The following PPCDC variants were observed in gnomAD, a reference collection of about 807,000 sequenced individuals.
PPCDC encodes phosphopantothenoylcysteine decarboxylase.
A neutral mutation model predicts 20.7 loss-of-function variants in PPCDC; 20 were observed. The ratio of observed to expected loss-of-function variants is 0.97; its 90% CI spans 0.68 to 1.41. PPCDC has a LOEUF of 1.41. PPCDC is among the 40% of genes most tolerant of loss of function. The pLI is 0.00. For missense variants in PPCDC, 246 were observed against 263.8 expected, an observed-to-expected ratio of 0.93 and a Z score of 0.47; for synonymous variants, 88 against 100.3, an observed-to-expected ratio of 0.88 and a Z score of 0.73.
chr15:75,044,912 C>T (rs763490664), intron 4 of PPCDC: 43 of 209,224 alleles, frequency 2.1e-4, no homozygotes, highest in Non-Finnish European at 4.1e-4. Context: ...TGGGTATACA[C>T]GTGGGCAATG....
At chr15:75,046,887 C>G (rs1471278234) in intron 4 of PPCDC, among the ~76,000 whole-genome samples, 1 of 152,262 alleles carries the variant, frequency 6.6e-6, no homozygotes, top group Admixed American at 6.5e-5. Flanking sequence ...GCAGTCGGAC[C>G]TAGAAAGAGC....
At chr15:75,045,983 G>C (rs1204523046) in intron 4 of PPCDC, among the ~76,000 whole-genome samples, 2 of 151,870 alleles carry the variant, frequency 1.3e-5, no homozygotes, top group African/African-American at 4.8e-5. Context: ...GGCTGAGGCA[G>C]GAAAATTGCT....
At chr15:75,042,991 A>C (rs567427911) in intron 2 of PPCDC, among the ~76,000 whole-genome samples, 266 of 152,344 alleles carry the variant, frequency 1.7e-3, no homozygotes, top group African/African-American at 6.2e-3. Context: ...CCCAGCCCCC[A>C]GCGCCTTGGC....
chr15:75,028,212 A>C, intron 1 of PPCDC, 35 bp from the exon 2 acceptor site: 1 of 1,441,876 alleles, frequency 6.9e-7, no homozygotes, highest in Non-Finnish European at 9.4e-7. Context: ...GGTCGACTGT[A>C]TGAATGAAGG....
Position 75,028,283 on chromosome 15 carries a change from G to A in PPCDC, c.-36G>A, listed in dbSNP as rs566048415. The A allele has an allele frequency of 6.8e-6, 11 of 1,609,956 alleles. No individual in the cohort carries two copies. The African/African-American group carries it at 1.5e-4, about 22-fold the overall frequency. ...CGACAGCTTTATAGAGCCCAGGCCTGGCAGGCTCCCAGAACTTGAAGCCAC... is the reference window on the plus strand; with the variant it reads ...CGACAGCTTTATAGAGCCCAGGCCTAGCAGGCTCCCAGAACTTGAAGCCAC... On this transcript the variant is annotated 5_prime_UTR_variant, in exon 2 of 6. Coordinates refer to ENST00000342932, the MANE Select transcript of PPCDC (RefSeq NM_021823.5).
chr15:75,037,148 A>G (rs2141486206), intron 2 of PPCDC, among the ~76,000 whole-genome samples: 1 of 152,314 alleles, frequency 6.6e-6, no homozygotes, highest in Middle Eastern at 3.4e-3. Context: ...ATGGTTCAGG[A>G]TGGTTGGGAA....
intron 2 of PPCDC, among the ~76,000 whole-genome samples, chr15:75,028,754 T>C (rs1482209725): frequency 1.3e-5 from 2 of 152,118 alleles, no homozygotes; most frequent in African/African-American, 4.8e-5. Context: ...TGAAGTCCTG[T>C]GTGGGAGGAG....
At chr15:75,045,736 C>G (rs1468797240) in intron 4 of PPCDC, among the ~76,000 whole-genome samples, 1 of 151,936 alleles carries the variant, frequency 6.6e-6, no homozygotes, top group East Asian at 1.9e-4. Flanking sequence ...AGCCTGGGTG[C>G]AATGTCATCA....
intron 1 of PPCDC, among the ~76,000 whole-genome samples, chr15:75,024,504 T>C (rs2120020): frequency 0.32 from 48,191 of 151,218 alleles, 8,979 homozygotes; most frequent in East Asian, 0.62. Context: ...TAAACAACCA[T>C]ACCCGGCTAA....
At chr15:75,024,189 T>G (rs958254096) in intron 1 of PPCDC, among the ~76,000 whole-genome samples, 1 of 152,184 alleles carries the variant, frequency 6.6e-6, no homozygotes, top group African/African-American at 2.4e-5. Context: ...CAGGAGAGGT[T>G]GCCAAGTTGG....
chr15:75,035,714 C>T (rs1002893884), intron 2 of PPCDC, among the ~76,000 whole-genome samples: 2 of 152,148 alleles, frequency 1.3e-5, no homozygotes, highest in African/African-American at 2.4e-5. Flanking sequence ...CACCTGTAAT[C>T]CCAGCACTTT....
intron 2 of PPCDC, among the ~76,000 whole-genome samples, chr15:75,032,731 C>CCA (rs1555413315): frequency 7.7e-6 from 1 of 130,410 alleles, no homozygotes; most frequent in Non-Finnish European, 1.6e-5. Flanking sequence ...TGGACCCCCC[C>CCA]CCCCAAGGCC....
At chr15:75,042,482 G>A (rs968917325) in intron 2 of PPCDC, among the ~76,000 whole-genome samples, 3 of 151,836 alleles carry the variant, frequency 2.0e-5, no homozygotes, top group Non-Finnish European at 2.9e-5. Context: ...GAAAAACCTC[G>A]TCTCTACTAA....
chr15:75,043,600 C>T, intron 3 of PPCDC, 64 bp downstream of exon 3: 1 of 1,372,654 alleles, frequency 7.3e-7, no homozygotes, highest in Non-Finnish European at 1.0e-6. Context: ...GAACAGTCCT[C>T]CCTACGGCCT....
chr15:75,039,088 T>C (rs1595906697), intron 2 of PPCDC, among the ~76,000 whole-genome samples: 1 of 152,198 alleles, frequency 6.6e-6, no homozygotes, highest in African/African-American at 2.4e-5. Flanking sequence ...TGTAATCTCT[T>C]TCTTGCTAGA....
intron 2 of PPCDC, among the ~76,000 whole-genome samples, chr15:75,036,560 A>G (rs983539986): frequency 6.6e-6 from 1 of 152,142 alleles, no homozygotes; most frequent in African/African-American, 2.4e-5. Context: ...CTCCCTAACA[A>G]TGTGACTGTA....
intron 4 of PPCDC, among the ~76,000 whole-genome samples, chr15:75,047,580 C>T (rs970745786): frequency 9.9e-5 from 15 of 152,274 alleles, no homozygotes; most frequent in East Asian, 7.7e-4. Context: ...CTCCCCCAGG[C>T]GGCCCCCAGC....
chr15:75,041,734 C>A (rs1468601986), intron 2 of PPCDC, among the ~76,000 whole-genome samples: 3 of 152,198 alleles, frequency 2.0e-5, no homozygotes, highest in African/African-American at 7.2e-5. Flanking sequence ...ATGGACAAGT[C>A]AATAGAACTC....
chr15:75,042,453 C>A (rs2066164090), intron 2 of PPCDC, among the ~76,000 whole-genome samples: 1 of 152,000 alleles, frequency 6.6e-6, no homozygotes, highest in Admixed American at 6.6e-5. Flanking sequence ...GAGTTTGAGA[C>A]CAGCTTGGCC....
Sources: gnomAD v4.1 joint callset for allele counts (sites outside exome capture counted in the v4.1 genomes callset) on GRCh38, gnomAD v4.1.1 for gene constraint, MANE v1.5 for transcripts, NCBI Gene and HGNC (gene_info 2026-07-23, HGNC 2026-07-21) for gene names.